The following CSDE1 variants were observed in gnomAD, a reference collection of about 807,000 sequenced individuals.
CSDE1 encodes cold shock domain containing E1.
Under a neutral mutation model 89.3 loss-of-function variants are expected in CSDE1, and 17 were observed. The ratio of observed to expected loss-of-function variants is 0.19; its 90% confidence interval spans 0.13 to 0.29. The LOEUF (loss-of-function observed/expected upper bound fraction) is 0.29, where lower values mean the gene tolerates loss of function less well. CSDE1 is among the 10% of genes least tolerant of loss of function. The pLI, the probability that CSDE1 is intolerant of heterozygous loss-of-function variation, is 1.00. For synonymous variants in CSDE1, 322 were observed against 332.8 expected (o/e 0.97, Z 0.35); for missense variants, 672 against 984.2 (o/e 0.68, Z 4.24).
intron 17 of CSDE1, chr1:114,720,304 C>A: frequency 2.4e-6 from 1 of 418,134 alleles, no homozygotes; most frequent in Non-Finnish European, 4.2e-6. Flanking sequence ...AACTTATTTT[C>A]CCCATTGCAT....
chr1:114,750,723 C>T (rs1199372490), intron 1 of CSDE1, among the ~76,000 whole-genome samples: 1 of 152,106 alleles, frequency 6.6e-6, no homozygotes, highest in Non-Finnish European at 1.5e-5. Context: ...TCCATCAAAG[C>T]AACCAAGGCT....
intron 16 of CSDE1, among the ~76,000 whole-genome samples, chr1:114,722,518 C>T (rs1207054147): frequency 6.6e-6 from 1 of 152,154 alleles, no homozygotes; most frequent in African/African-American, 2.4e-5. Flanking sequence ...TAGTTCTTAC[C>T]AAGTGGGAAA....
chr1:114,732,587 T>TA lies in CSDE1; in HGVS notation c.1050+16dup. ...TTTCGCATATTAGATACATATCCAG[T>TA]AATATCCAACACTTACCATTTCTCG... On this transcript the variant is annotated intron_variant, in intron 10 of 19. Coordinates refer to ENST00000358528, the MANE Select transcript of CSDE1 (RefSeq NM_001007553.3). The TA allele has an allele frequency of 6.2e-7, 1 of 1,608,780 alleles. No homozygotes were observed. The highest frequency in any genetic ancestry group is 8.5e-7 in the Non-Finnish European group (1 of 1,175,196).
intron 13 of CSDE1, 82 bp from the exon 14 acceptor site, chr1:114,726,468 C>T: frequency 9.2e-7 from 1 of 1,082,438 alleles, no homozygotes; most frequent in South Asian, 1.9e-5. Context: ...CCTATAACTC[C>T]CCCAGCGCAT....
At chr1:114,718,463 T>C (rs1209254043) in intron 19 of CSDE1, 150 bp downstream of exon 19, 9 of 1,135,992 alleles carry the variant, frequency 7.9e-6, no homozygotes, top group Non-Finnish European at 1.2e-6. Context: ...GTTAGGGGGC[T>C]GAACCAATGT....
Position 114,739,540 on chromosome 1 carries a change from TGGTTTATACA to T in CSDE1, c.199+142_199+151del, listed in dbSNP as rs565184499. On this transcript the variant is annotated intron_variant, in intron 3 of 19. Coordinates refer to ENST00000358528, the MANE Select transcript of CSDE1 (RefSeq NM_001007553.3). ...AAATATAATCTTTCAAGGATTCTGC[TGGTTTATACA>T]GATATTCTTCACTAAACAGTACAAC... The T allele has an allele frequency of 1.8e-4, 110 of 615,860 alleles. No individual in the cohort carries two copies. In the East Asian group the frequency reaches 2.7e-3, roughly 15 times the overall value. The allele number at this position is 615,860 out of a possible 1,614,324, so 38.1% of individuals were successfully genotyped here.
chr1:114,727,335 G>GA (rs969386277), intron 12 of CSDE1, among the ~76,000 whole-genome samples: 21 of 152,196 alleles, frequency 1.4e-4, no homozygotes, highest in African/African-American at 5.1e-4. Context: ...CTATTGAGGA[G>GA]AAAAAAGCTT....
intron 2 of CSDE1, among the ~76,000 whole-genome samples, chr1:114,749,416 A>C (rs1485709769): frequency 6.6e-6 from 1 of 152,224 alleles, no homozygotes; most frequent in Non-Finnish European, 1.5e-5. Flanking sequence ...CATGGATATA[A>C]AGTAAGGTTC....
chr1:114,742,427 C>A (rs1660778804), intron 2 of CSDE1, among the ~76,000 whole-genome samples: 1 of 152,058 alleles, frequency 6.6e-6, no homozygotes, highest in South Asian at 2.1e-4. Context: ...ACCAAAAATA[C>A]AAAATTTAGC....
At chr1:114,720,820 A>T in intron 16 of CSDE1, 103 bp from the exon 17 acceptor site, 1 of 1,002,336 alleles carries the variant, frequency 1.0e-6, no homozygotes, top group South Asian at 1.7e-5. Flanking sequence ...TATGTTACTT[A>T]AAATATATTT....
intron 1 of CSDE1, among the ~76,000 whole-genome samples, chr1:114,757,356 T>C (rs1473696176): frequency 6.6e-6 from 1 of 152,144 alleles, no homozygotes; most frequent in Non-Finnish European, 1.5e-5. Context: ...AAGGCGCCAC[T>C]GCCGCACTGC....
intron 2 of CSDE1, chr1:114,748,223 A>AT (rs1301116871): frequency 6.6e-6 from 1 of 152,136 alleles, no homozygotes; most frequent in African/African-American, 2.4e-5. Context: ...TGAATGACTT[A>AT]TTTTCATTCT....
chr1:114,749,148 T>C (rs1213077860), intron 2 of CSDE1, among the ~76,000 whole-genome samples: 1 of 152,202 alleles, frequency 6.6e-6, no homozygotes, highest in African/African-American at 2.4e-5. Context: ...CCTTCAAATA[T>C]CCCTTTTCTG....
intron 2 of CSDE1, among the ~76,000 whole-genome samples, chr1:114,742,410 T>C (rs1217906537): frequency 1.3e-5 from 2 of 152,242 alleles, no homozygotes; most frequent in Non-Finnish European, 1.5e-5. Context: ...GGTGAAAGCC[T>C]GTCTCTACCA....
intron 7 of CSDE1, 89 bp downstream of exon 7, chr1:114,734,353 A>G (rs1660275655): frequency 2.7e-5 from 35 of 1,282,072 alleles, no homozygotes; most frequent in Non-Finnish European, 3.8e-5. Flanking sequence ...GGTAAGATAA[A>G]AAAGAAAAAA....
chr1:114,739,404 G>A (rs1392353757), intron 3 of CSDE1, among the ~76,000 whole-genome samples: 5 of 152,132 alleles, frequency 3.3e-5, no homozygotes, highest in African/African-American at 1.2e-4. Flanking sequence ...ATAATCATAA[G>A]TAACATTACA....
In CSDE1 at chr1:114,724,073, A is replaced by G. The variant is rs935014921; in HGVS notation, c.1754-71T>C. Reference sequence around the variant, plus strand: ...ACTACATAGAAAGACAAGTAAGCAAAAAATAACAGCACAAATGTTAACAGG... The same window carrying G: ...ACTACATAGAAAGACAAGTAAGCAAGAAATAACAGCACAAATGTTAACAGG... On this transcript the variant is annotated intron_variant, in intron 15 of 19. Transcript: ENST00000358528. 7.9e-6 allele frequency: 12 copies of G among 1,520,528 alleles called. No homozygotes were observed. In the African/African-American group the frequency reaches 1.4e-4, roughly 18 times the overall value. 94.2% of individuals were successfully genotyped at this position (1,520,528 alleles called of 1,614,324 possible). A position where few individuals can be genotyped will look rare whatever the true frequency, so the allele number is the denominator to read the frequency against.
chr1:114,719,585 C>T lies in CSDE1; in HGVS notation c.2210G>A (p.Arg737Gln), dbSNP rs769519003. The T allele has an allele frequency of 6.2e-7, 1 of 1,612,400 alleles. No individual in the cohort carries two copies. Among genetic ancestry groups the T allele is most frequent in the Non-Finnish European group, 8.5e-7 (1 of 1,179,436 alleles). ...TGKCSACNVW[R>Q]VCEGPKAVAA... ...CCACAACAACAAAACTCACCAGACTCGCCAAACATTACAGGCGCTGCACTT... is the reference window on the plus strand; with the variant it reads ...CCACAACAACAAAACTCACCAGACTTGCCAAACATTACAGGCGCTGCACTT... The change falls in exon 18 of 20, where the codon CGA (arginine) becomes CAA (glutamine). Residue 737 changes from arginine (R) to glutamine (Q), a missense_variant. Coordinates refer to ENST00000358528, the MANE Select transcript of CSDE1 (RefSeq NM_001007553.3).
intron 2 of CSDE1, among the ~76,000 whole-genome samples, chr1:114,748,909 T>G (rs1661151997): frequency 6.6e-6 from 1 of 152,214 alleles, no homozygotes; most frequent in African/African-American, 2.4e-5. Context: ...CTTAAGCCCT[T>G]GCTTATAGAC....
Sources: gnomAD v4.1 joint callset for allele counts (sites outside exome capture counted in the v4.1 genomes callset) on GRCh38, gnomAD v4.1.1 for gene constraint, MANE v1.5 for transcripts, NCBI Gene and HGNC (gene_info 2026-07-23, HGNC 2026-07-21) for gene names.